Variants in SYNE2 observed in about 807,000 individuals in gnomAD.
The protein encoded by SYNE2 is nesprin-2.
A neutral mutation model predicts 856.3 loss-of-function variants in SYNE2; 431 were observed. The ratio of observed to expected loss-of-function variants is 0.50; its 90% CI spans 0.47 to 0.55. SYNE2 has a LOEUF of 0.55. Ranked by LOEUF, SYNE2 falls within the 20% of genes least tolerant of loss-of-function variation. The pLI is 0.00. For missense variants in SYNE2, 8,129 were observed against 8,023.2 expected (o/e 1.01, Z -0.50); for synonymous variants, 2,923 against 2,872.3 (o/e 1.02, Z -0.56).
At chr14:63,971,117 T>C (rs558363016) in intron 11 of SYNE2, among the ~76,000 whole-genome samples, 1 of 137,054 alleles carries the variant, frequency 7.3e-6, no homozygotes, top group East Asian at 2.2e-4. Flanking sequence ...TAGAGGTTTT[T>C]TGGTTTTTTT....
rs749044975 is a variant in SYNE2, at chr14:64,017,625, A to G, written c.4918A>G (p.Asn1640Asp). Reference protein sequence around the residue: ...INEKTEDYYENLGRALALWDK... With the variant: ...INEKTEDYYEDLGRALALWDK... ...TGAGAAGACAGAAGATTACTATGAA[A>G]ATCTTGGTCGAGCTCTAGCTTTGTG... Residue 1640 changes from asparagine to aspartate, a missense_variant, in exon 34 of 116, where the codon AAT becomes GAT. This residue lies in a region of SYNE2 where 2,422 missense variants were observed against 2,357.4 expected (regional missense o/e 1.03). Coordinates refer to ENST00000555002, the MANE Select transcript of SYNE2 (RefSeq NM_182914.3). 1 of 1,613,164 alleles carries G rather than the reference A, an allele frequency of 6.2e-7. No homozygotes were observed. Among genetic ancestry groups the G allele is most frequent in the Non-Finnish European group, 8.5e-7 (1 of 1,179,418 alleles).
Position 64,210,032 on chromosome 14 carries a change from A to C in SYNE2, c.18631A>C (p.Thr6211Pro). ...RRLARENRTD[T>P]ASRLKQMVHE... ...GCTGGCCCGGGAGAACCGCACAGAC[A>C]CGGCCAGCAGGCTGAAGCAGATGGT... is the stretch of plus-strand genomic sequence containing the variant. Residue 6211 changes from threonine to proline, a missense_variant, in exon 103 of 116, where the codon ACG (threonine) becomes CCG (proline). By Grantham distance (38) the Thr-to-Pro change is conservative. This residue lies in a region of SYNE2 where 5,410 missense variants were observed against 5,284.8 expected (regional missense o/e 1.02). Coordinates refer to ENST00000555002, the MANE Select transcript of SYNE2 (RefSeq NM_182914.3). 1 of 1,614,144 alleles carries C rather than the reference A, an allele frequency of 6.2e-7. No homozygotes were observed. The highest frequency in any genetic ancestry group is 2.2e-5 in the East Asian group (1 of 44,882).
intron 73 of SYNE2, 51 bp downstream of exon 73, chr14:64,126,858 T>G (rs747572271): frequency 6.4e-7 from 1 of 1,568,360 alleles, no homozygotes; most frequent in Non-Finnish European, 8.7e-7. Flanking sequence ...AGTTACAGCA[T>G]GAACCCCTAA....
intron 1 of SYNE2, among the ~76,000 whole-genome samples, chr14:63,872,430 C>A (rs994077828): frequency 1.4e-4 from 12 of 84,204 alleles, no homozygotes; most frequent in Non-Finnish European, 2.9e-4. Context: ...GAGACACCAT[C>A]TCAAAAAAAA....
chr14:63,877,837 T>C (rs562808181), intron 1 of SYNE2, among the ~76,000 whole-genome samples: 6 of 152,258 alleles, frequency 3.9e-5, no homozygotes, highest in Admixed American at 3.9e-4. Flanking sequence ...GGTGTGGCGT[T>C]CTGTATTTTA....
chr14:63,884,730 A>G (rs549269782), intron 1 of SYNE2, among the ~76,000 whole-genome samples: 146 of 152,244 alleles, frequency 9.6e-4, no homozygotes, highest in African/African-American at 2.9e-3. Context: ...TGAGAGTGTC[A>G]AAAGACAGTG....
At chr14:63,890,283 G>T (rs962440967) in intron 1 of SYNE2, among the ~76,000 whole-genome samples, 1 of 151,736 alleles carries the variant, frequency 6.6e-6, no homozygotes, top group African/African-American at 2.4e-5. Flanking sequence ...GGCTGATCTC[G>T]AACTCCTGAG....
intron 95 of SYNE2, among the ~76,000 whole-genome samples, chr14:64,176,093 C>T (rs895667786): frequency 1.3e-5 from 2 of 152,176 alleles, no homozygotes; most frequent in African/African-American, 4.8e-5. Context: ...TTACCATAGA[C>T]TGAGGCCAAC....
intron 64 of SYNE2, among the ~76,000 whole-genome samples, chr14:64,105,681 T>C (rs1238548521): frequency 6.6e-6 from 1 of 152,212 alleles, no homozygotes; most frequent in Non-Finnish European, 1.5e-5. Context: ...TTGCTTAACT[T>C]TGGTTAATCT....
At chr14:63,935,184 T>C (rs2095814949) in intron 2 of SYNE2, among the ~76,000 whole-genome samples, 1 of 152,216 alleles carries the variant, frequency 6.6e-6, no homozygotes, top group African/African-American at 2.4e-5. Context: ...GAGAGAAATT[T>C]ATATAAGACA....
At chr14:63,861,433 G>A (rs1298966504) in intron 1 of SYNE2, among the ~76,000 whole-genome samples, 7 of 151,692 alleles carry the variant, frequency 4.6e-5, no homozygotes, top group African/African-American at 1.2e-4. Context: ...ATGAGCCACC[G>A]TGCCTGGCCC....
intron 1 of SYNE2, among the ~76,000 whole-genome samples, chr14:63,794,490 A>G (rs1410314572): frequency 4.6e-5 from 7 of 152,162 alleles, no homozygotes; most frequent in Non-Finnish European, 8.8e-5. Flanking sequence ...GTGCCCAGCC[A>G]TGTTATAGAA....
intron 70 of SYNE2, among the ~76,000 whole-genome samples, chr14:64,123,776 T>C (rs960381347): frequency 6.6e-6 from 1 of 152,204 alleles, no homozygotes; most frequent in Non-Finnish European, 1.5e-5. Flanking sequence ...AATTCTATTC[T>C]AATAGTTGGC....
At chr14:64,050,463 A>G (rs1243934880) in intron 47 of SYNE2, among the ~76,000 whole-genome samples, 8 of 152,366 alleles carry the variant, frequency 5.3e-5, no homozygotes, top group Admixed American at 2.0e-4. Context: ...AACAATTCGC[A>G]CTATAAATAT....
chr14:63,993,865 C>T lies in SYNE2; in HGVS notation c.2677C>T (p.Leu893=), dbSNP rs778428002. 1.2e-5 allele frequency: 19 copies of T among 1,606,368 alleles called. No homozygotes were observed. Among genetic ancestry groups the T allele is most frequent in the Non-Finnish European group, 1.6e-5 (19 of 1,176,096 alleles). ...EALIISNTKS[L]AKYLKAVEEL... ...ACTAATAATTTCTAATACAAAAAGT[C>T]TGGCCAAGTATTTGAAAGCTGTTGA... Residue 893 remains leucine (L), a synonymous_variant, in exon 22 of 116, where the codon CTG becomes TTG. Transcript: ENST00000555002.
chr14:63,861,129 G>A (rs968058874), intron 1 of SYNE2, among the ~76,000 whole-genome samples: 1 of 148,580 alleles, frequency 6.7e-6, no homozygotes, highest in African/African-American at 2.5e-5. Context: ...TAAGAAATGT[G>A]ATATTTACCA....
chr14:64,137,587 G>A (rs906595851), intron 78 of SYNE2, among the ~76,000 whole-genome samples, 200 bp from the exon 79 acceptor site: 1 of 152,110 alleles, frequency 6.6e-6, no homozygotes, highest in Non-Finnish European at 1.5e-5. Flanking sequence ...CTCTAGAAAT[G>A]CAAGATTGGA....
chr14:63,830,264 G>GT (rs79592787), intron 1 of SYNE2, among the ~76,000 whole-genome samples: 3,100 of 140,828 alleles, frequency 0.022, 38 homozygotes, highest in Non-Finnish European at 0.035. Context: ...ACAGTGTGAG[G>GT]TTTTTTTTTT....
chr14:64,100,531 A>AATATATATATATATAT (rs1204839640), intron 63 of SYNE2, among the ~76,000 whole-genome samples: 5 of 39,466 alleles, frequency 1.3e-4, no homozygotes, highest in East Asian at 8.8e-4. Context: ...AAAAAAAAAA[A>AATATATATATATATAT]ATATATATAT....
Sources: allele counts gnomAD v4.1 joint callset (sites outside exome capture counted in the v4.1 genomes callset), GRCh38; gene constraint gnomAD v4.1.1; regional missense constraint gnomAD v4.1.1; transcripts MANE v1.5; gene names NCBI Gene and HGNC (gene_info 2026-07-23, HGNC 2026-07-21).